TENT4B: variants seen among roughly 807,000 people sequenced by gnomAD.
TENT4B encodes the protein PAP associated domain containing 5.
TENT4B carries 10 observed loss-of-function variants against 75.0 expected under a neutral mutation model. The ratio of observed to expected loss-of-function variants is 0.13; its 90% CI spans 0.08 to 0.23. TENT4B has a LOEUF of 0.23. TENT4B is among the 10% of genes least tolerant of loss of function. The pLI, the probability that TENT4B is intolerant of heterozygous loss-of-function variation, is 1.00. For missense variants in TENT4B, 579 were observed against 893.8 expected (o/e 0.65, Z 4.49); for synonymous variants, 350 against 357.7 (o/e 0.98, Z 0.24).
In TENT4B at chr16:50,178,544, A is replaced by G. The variant is rs185914882; in HGVS notation, c.638+24285A>G. Among the ~76,000 whole-genome samples the G allele has an allele frequency of 2.4e-4, 36 of 152,304 alleles. 1 individual carries two copies. The highest frequency in any genetic ancestry group is 8.7e-4 in the African/African-American group (36 of 41,576). ...GATGGTTAAAAAAAAAATCAGAATG[A>G]TGCAACCCAAGTGTCCATCAATGGA... On this transcript the variant is annotated intron_variant, in intron 1 of 11. Transcript: ENST00000561678.
intron 5 of TENT4B, among the ~76,000 whole-genome samples, chr16:50,218,526 G>A (rs2031679448): frequency 6.6e-6 from 1 of 151,698 alleles, no homozygotes; most frequent in African/African-American, 2.4e-5. Context: ...GCTAATTTTT[G>A]TATTTTTATT....
intron 1 of TENT4B, among the ~76,000 whole-genome samples, chr16:50,207,527 A>G (rs2031049785): frequency 6.6e-6 from 1 of 152,260 alleles, no homozygotes; most frequent in Non-Finnish European, 1.5e-5. Flanking sequence ...TAGAGAGGGC[A>G]CTGTATTTTG....
intron 10 of TENT4B, among the ~76,000 whole-genome samples, chr16:50,225,645 A>G (rs967317442): frequency 6.6e-6 from 1 of 151,216 alleles, no homozygotes; most frequent in Non-Finnish European, 1.5e-5. Flanking sequence ...TAGCTTGTGC[A>G]TCCTTGTAGC....
At chr16:50,163,500 C>T (rs897882389) in intron 1 of TENT4B, among the ~76,000 whole-genome samples, 7 of 150,154 alleles carry the variant, frequency 4.7e-5, no homozygotes, top group Non-Finnish European at 7.4e-5. Flanking sequence ...CCTGGGTTCA[C>T]GCCATTCTCC....
At chr16:50,211,614 G>C (rs1397109480) in intron 2 of TENT4B, among the ~76,000 whole-genome samples, 168 bp downstream of exon 2, 2 of 152,170 alleles carry the variant, frequency 1.3e-5, no homozygotes, top group African/African-American at 4.8e-5. Context: ...CTTTAGAATT[G>C]AGGCTTCCTA....
Position 50,231,839 on chromosome 16 carries a change from T to C in TENT4B, c.*2511T>C. ...TACTTTCAAGAACTTTTAGTTTGCCTGCTCATTTGTTTTATACATTTCATC... is the reference window on the plus strand; with the variant it reads ...TACTTTCAAGAACTTTTAGTTTGCCCGCTCATTTGTTTTATACATTTCATC... On this transcript the variant is annotated 3_prime_UTR_variant, in exon 12 of 12. Transcript: ENST00000561678. 1.0e-6 allele frequency: 1 copy of C among 984,806 alleles called. No homozygotes were observed. The highest frequency in any genetic ancestry group is 1.2e-6 in the Non-Finnish European group (1 of 829,098). The allele number at this position is 984,806 out of a possible 1,614,324, so 61.0% of individuals were successfully genotyped here.
chr16:50,193,623 T>A (rs889523763), intron 1 of TENT4B, among the ~76,000 whole-genome samples: 1 of 151,882 alleles, frequency 6.6e-6, no homozygotes, highest in Admixed American at 6.6e-5. Context: ...CAGGTGTGAG[T>A]CACCGCGCCT....
At chr16:50,199,522 A>G (rs1027981955) in intron 1 of TENT4B, among the ~76,000 whole-genome samples, 5 of 152,216 alleles carry the variant, frequency 3.3e-5, no homozygotes, top group Non-Finnish European at 5.9e-5. Flanking sequence ...TGTTTCACCT[A>G]TTAATTTATC....
intron 1 of TENT4B, among the ~76,000 whole-genome samples, chr16:50,200,531 C>T (rs923848665): frequency 2.0e-5 from 3 of 152,104 alleles, no homozygotes; most frequent in African/African-American, 4.8e-5. Context: ...TGTTGCACAT[C>T]CTCACCAGCA....
intron 5 of TENT4B, among the ~76,000 whole-genome samples, chr16:50,219,069 T>C (rs1027383772): frequency 3.9e-5 from 6 of 152,156 alleles, no homozygotes; most frequent in Non-Finnish European, 7.4e-5. Flanking sequence ...AAAGAAAGAT[T>C]ATCCATAATC....
rs11346495 is a variant in TENT4B, at chr16:50,156,345, ATT to A, written c.638+2101_638+2102del. Among the ~76,000 whole-genome samples, 243 of 141,376 alleles carry A rather than the reference ATT, an allele frequency of 1.7e-3. 2 individuals carry two copies. Among genetic ancestry groups the A allele is most frequent in the Non-Finnish European group, 1.6e-3 (100 of 64,346 alleles). The allele number at this position is 141,376 out of a possible 152,430, so 92.7% of individuals were successfully genotyped here. A position where few individuals can be genotyped will look rare whatever the true frequency, so the allele number is the denominator to read the frequency against. On this transcript the variant is annotated intron_variant, in intron 1 of 11. Transcript: ENST00000561678. ...TTCTTGCTTTGATTCATGTATTCTGATTTTTTTTTTTTTTTTGAGACGGAGTT... is the reference window on the plus strand; with the variant it reads ...TTCTTGCTTTGATTCATGTATTCTGATTTTTTTTTTTTTTGAGACGGAGTT...
intron 10 of TENT4B, 71 bp from the exon 11 acceptor site, chr16:50,227,768 G>A (rs2032117971): frequency 6.5e-7 from 1 of 1,545,262 alleles, no homozygotes; most frequent in Admixed American, 1.8e-5. Flanking sequence ...AACCAAAATT[G>A]TTTTTCTTTC....
chr16:50,155,497 G>A (rs927168640), intron 1 of TENT4B, among the ~76,000 whole-genome samples: 1 of 152,074 alleles, frequency 6.6e-6, no homozygotes, highest in Non-Finnish European at 1.5e-5. Context: ...CCTTTTTGAA[G>A]GTCTGGATAA....
chr16:50,167,583 A>G (rs1424383728), intron 1 of TENT4B, among the ~76,000 whole-genome samples: 5 of 150,776 alleles, frequency 3.3e-5, no homozygotes, highest in Non-Finnish European at 7.4e-5. Context: ...AATGCTGAAG[A>G]TTTACTTGTG....
chr16:50,153,286 T>TGCCGCCGCC (rs534559724), upstream of TENT4B, among the ~76,000 whole-genome samples: 3 of 141,406 alleles, frequency 2.1e-5, no homozygotes, highest in African/African-American at 5.1e-5. Context: ...CTGCCGCCGC[T>TGCCGCCGCC]GCCGCCGCCG....
intron 1 of TENT4B, among the ~76,000 whole-genome samples, chr16:50,206,714 G>A (rs1455720217): frequency 6.6e-6 from 1 of 152,020 alleles, no homozygotes; most frequent in African/African-American, 2.4e-5. Context: ...CTTGCCTTTG[G>A]TTTTGAGAAT....
chr16:50,195,489 C>T (rs1352845782), intron 1 of TENT4B, among the ~76,000 whole-genome samples: 1 of 152,100 alleles, frequency 6.6e-6, no homozygotes, highest in Non-Finnish European at 1.5e-5. Flanking sequence ...GAAGAGTGAG[C>T]CCATAGCAGA....
chr16:50,160,546 C>T (rs1472756220), intron 1 of TENT4B, among the ~76,000 whole-genome samples: 6 of 152,126 alleles, frequency 3.9e-5, no homozygotes, highest in Admixed American at 6.5e-5. Flanking sequence ...CAATTTCTTC[C>T]GTGAAATTCC....
At chr16:50,169,295 A>G (rs994964149) in intron 1 of TENT4B, among the ~76,000 whole-genome samples, 1 of 148,282 alleles carries the variant, frequency 6.7e-6, no homozygotes, top group African/African-American at 2.5e-5. Flanking sequence ...TGCTGGTTAT[A>G]TTCCTCTGGT....
Sources: allele counts gnomAD v4.1 joint callset (sites outside exome capture counted in the v4.1 genomes callset), GRCh38; gene constraint gnomAD v4.1.1; transcripts MANE v1.5; gene names NCBI Gene and HGNC (gene_info 2026-07-23, HGNC 2026-07-21).